The following RIN2 variants were observed in gnomAD, a reference collection of about 807,000 sequenced individuals.
The protein encoded by RIN2 is RAB5 interacting protein 2.
Under a neutral mutation model 78.0 loss-of-function variants are expected in RIN2, and 36 were observed. The ratio of observed to expected loss-of-function variants is 0.46; its 90% CI spans 0.35 to 0.61. RIN2 has a LOEUF of 0.61. Among genes scored for constraint, RIN2 ranks in the 20% least tolerant of loss-of-function variants. The pLI, the probability that RIN2 is intolerant of heterozygous loss-of-function variation, is 0.00. For missense variants in RIN2, 1,087 were observed against 1,159.7 expected, an observed-to-expected ratio of 0.94 and a Z score of 0.91; for synonymous variants, 466 against 466.8, an observed-to-expected ratio of 1.00 and a Z score of 0.02.
intron 2 of RIN2, among the ~76,000 whole-genome samples, chr20:19,883,006 G>T (rs1285795378): frequency 1.3e-5 from 2 of 152,200 alleles, no homozygotes; most frequent in East Asian, 3.9e-4. Context: ...GGAGTTAAAA[G>T]TTGTACTCAG....
chr20:19,870,883 G>C (rs552042581), intron 2 of RIN2, among the ~76,000 whole-genome samples: 2 of 152,152 alleles, frequency 1.3e-5, no homozygotes, highest in Admixed American at 1.3e-4. Context: ...GGCTGCCTTC[G>C]TTTGGGATGC....
intron 2 of RIN2, among the ~76,000 whole-genome samples, chr20:19,817,407 G>A (rs1303923695): frequency 6.6e-6 from 1 of 152,084 alleles, no homozygotes; most frequent in Non-Finnish European, 1.5e-5. Flanking sequence ...TATAAGGGCA[G>A]TAATCCCATT....
chr20:19,996,966 A>G, intron 12 of RIN2, 124 bp downstream of exon 12: 1 of 963,116 alleles, frequency 1.0e-6, no homozygotes, highest in Non-Finnish European at 1.5e-6. Context: ...GGATATCTCA[A>G]ACCACCCTCT....
At chr20:19,764,908 C>T (rs969947774) in intron 1 of RIN2, among the ~76,000 whole-genome samples, 17 of 85,634 alleles carry the variant, frequency 2.0e-4, no homozygotes, top group African/African-American at 4.8e-4. Context: ...AGTCCCACTT[C>T]ACTTTCTGCG....
At chr20:19,865,526 A>T (rs1218475300) in intron 2 of RIN2, among the ~76,000 whole-genome samples, 2 of 29,332 alleles carry the variant, frequency 6.8e-5, no homozygotes, top group Non-Finnish European at 6.8e-5. Flanking sequence ...TTGCTCTGTT[A>T]ACCCAGGCTA....
chr20:19,852,081 G>A (rs1186645934), intron 2 of RIN2, among the ~76,000 whole-genome samples: 5 of 152,240 alleles, frequency 3.3e-5, no homozygotes, highest in South Asian at 4.2e-4. Flanking sequence ...GCACAAGCCC[G>A]ACCACAGAAA....
chr20:19,879,685 CT>C (rs1179607710), intron 2 of RIN2, among the ~76,000 whole-genome samples: 1 of 152,176 alleles, frequency 6.6e-6, no homozygotes, highest in East Asian at 1.9e-4. Flanking sequence ...TTTCCGTGGA[CT>C]TTTTTCATTG....
intron 7 of RIN2, among the ~76,000 whole-genome samples, chr20:19,968,437 G>A (rs576785689): frequency 6.6e-6 from 1 of 152,276 alleles, no homozygotes; most frequent in Admixed American, 6.5e-5. Context: ...AAGTGAGAAG[G>A]CGTCCCTGTG....
chr20:19,964,209 G>T (rs1018304191), intron 6 of RIN2, among the ~76,000 whole-genome samples: 19 of 151,760 alleles, frequency 1.3e-4, no homozygotes, highest in Admixed American at 1.2e-3. Flanking sequence ...TGGAGCAGGG[G>T]TGGAGGGGGG....
chr20:19,935,038 C>A, intron 3 of RIN2, 61 bp from the exon 4 acceptor site: 2 of 1,238,930 alleles, frequency 1.6e-6, no homozygotes, highest in Non-Finnish European at 2.3e-6. Flanking sequence ...GTTCCCCGGG[C>A]GCTGTGGGCA....
intron 1 of RIN2, among the ~76,000 whole-genome samples, chr20:19,789,798 C>T (rs2034831555): frequency 1.3e-5 from 2 of 152,134 alleles, no homozygotes; most frequent in South Asian, 4.1e-4. Context: ...AGAAAATCAC[C>T]CAGTCCCAAA....
intron 3 of RIN2, among the ~76,000 whole-genome samples, chr20:19,932,977 C>A (rs969343564): frequency 6.6e-6 from 1 of 152,042 alleles, no homozygotes; most frequent in Non-Finnish European, 1.5e-5. Context: ...CTCTTTCTAC[C>A]ACCCCCACAT....
chr20:19,965,394 A>G (rs1397309608), intron 7 of RIN2, among the ~76,000 whole-genome samples: 1 of 152,112 alleles, frequency 6.6e-6, no homozygotes, highest in Non-Finnish European at 1.5e-5. Flanking sequence ...ACACACACCT[A>G]CACACAGAAA....
intron 3 of RIN2, among the ~76,000 whole-genome samples, chr20:19,933,272 T>G (rs1474936338): frequency 6.6e-6 from 1 of 152,242 alleles, no homozygotes; most frequent in Non-Finnish European, 1.5e-5. Flanking sequence ...TACCATGATC[T>G]ACAAAGTTGG....
chr20:19,859,041 T>TA (rs2037251781), intron 2 of RIN2, among the ~76,000 whole-genome samples: 2 of 152,250 alleles, frequency 1.3e-5, no homozygotes, highest in Non-Finnish European at 2.9e-5. Context: ...CTGGAGTCCA[T>TA]AGGGCTTTCT....
At chr20:19,965,663 G>A (rs931208303) in intron 7 of RIN2, among the ~76,000 whole-genome samples, 3 of 152,200 alleles carry the variant, frequency 2.0e-5, no homozygotes, top group Non-Finnish European at 2.9e-5. Flanking sequence ...CCAGGCTGGA[G>A]AGCAGTGGCG....
chr20:19,880,006 T>A (rs1440193591), intron 2 of RIN2, among the ~76,000 whole-genome samples: 1 of 152,164 alleles, frequency 6.6e-6, no homozygotes. Flanking sequence ...CCCAGCACTT[T>A]GGGAGGCCAA....
At chr20:19,891,265 GCTC>G (rs2038446067) in intron 3 of RIN2, among the ~76,000 whole-genome samples, 1 of 152,178 alleles carries the variant, frequency 6.6e-6, no homozygotes, top group Non-Finnish European at 1.5e-5. Context: ...AGAGTAAGGA[GCTC>G]CTCAAGTCCT....
chr20:19,776,416 G>A (rs2034311686), intron 1 of RIN2, among the ~76,000 whole-genome samples: 1 of 152,104 alleles, frequency 6.6e-6, no homozygotes. Flanking sequence ...AATAACTCTT[G>A]CAACCAATTG....
Sources: gnomAD v4.1 joint callset for allele counts (sites outside exome capture counted in the v4.1 genomes callset) on GRCh38, gnomAD v4.1.1 for gene constraint, MANE v1.5 for transcripts, NCBI Gene and HGNC (gene_info 2026-07-23, HGNC 2026-07-21) for gene names.